The following NBEAL2 variants were observed in gnomAD, a reference collection of about 807,000 sequenced individuals.
NBEAL2 encodes the protein neurobeachin like 2, also known as neurobeachin-like protein 2.
NBEAL2 carries 160 observed loss-of-function variants against 299.8 expected under a neutral mutation model. The observed-to-expected ratio is 0.53, with a 90% CI of 0.47 to 0.61. The LOEUF is 0.61. Among genes scored for constraint, NBEAL2 ranks in the 20% least tolerant of loss-of-function variants. The probability of loss-of-function intolerance (pLI) is 0.00; values close to 1 mark genes in which losing one functional copy is unlikely to be tolerated. For missense variants in NBEAL2, 3,112 were observed against 3,649.0 expected, an observed-to-expected ratio of 0.85 and a Z score of 3.79; for synonymous variants, 1,493 against 1,542.3, an observed-to-expected ratio of 0.97 and a Z score of 0.75.
In NBEAL2 at chr3:46,995,461, C is replaced by T. The variant is rs756000095; in HGVS notation, c.1726C>T (p.Arg576Cys). ...CATGGCCAGGCACCAGGGTCCTGCA[C>T]GTGCTCTGCGCTACTTTGACCTCAC... ...SGMARHQGPA[R>C]ALRYFDLTPS... Residue 576 changes from arginine (R) to cysteine (C), a missense_variant, in exon 13 of 54, where the codon CGT becomes TGT. By Grantham distance (180) the Arg-to-Cys change is radical. Around this residue, in one of 3 missense-constraint regions of NBEAL2, gnomAD observed 2,243 missense variants for 2,538.1 expected, o/e 0.88. Transcript: ENST00000450053. 20 of 1,612,762 alleles carry T rather than the reference C, an allele frequency of 1.2e-5. No homozygotes were observed. Among genetic ancestry groups the T allele is most frequent in the Admixed American group, 5.0e-5 (3 of 60,010 alleles).
Position 46,995,391 on chromosome 3 carries a change from T to C in NBEAL2, c.1656T>C (p.Ala552=), listed in dbSNP as rs1255415538. 14 of 1,612,674 alleles carry C rather than the reference T, an allele frequency of 8.7e-6. No homozygotes were observed. The highest frequency in any genetic ancestry group is 1.1e-5 in the Non-Finnish European group (13 of 1,179,834). Residue 552 remains alanine (A), a synonymous_variant, in exon 13 of 54, where the codon GCT becomes GCC. Coordinates refer to ENST00000450053, the MANE Select transcript of NBEAL2 (RefSeq NM_015175.3). ...ACTCGGAACCAGGCGGAGCTGAGGCTGGAAAGGCCCGACACGCAGGTGCTG... is the reference window on the plus strand; with the variant it reads ...ACTCGGAACCAGGCGGAGCTGAGGCCGGAAAGGCCCGACACGCAGGTGCTG... ...GLDSEPGGAE[A]GKARHAGAVI... is the part of the protein sequence containing the mutation.
Position 47,005,277 on chromosome 3 carries a change from C to T in NBEAL2, c.6516C>T (p.Arg2172=), listed in dbSNP as rs970326287. ...CAGGCGTGATGCACTACCTCATCCG[C>T]GTGGAGCCCTTCACCTCCCTGCACG... The part of the protein sequence containing the change: ...NAAGVMHYLI[R]VEPFTSLHVQ... Residue 2172 remains arginine (R), a synonymous_variant, in exon 40 of 54, where the codon CGC becomes CGT. Transcript: ENST00000450053. The T allele has an allele frequency of 5.0e-6, 8 of 1,613,182 alleles. No individual in the cohort carries two copies. The highest frequency in any genetic ancestry group is 3.3e-5 in the South Asian group (3 of 91,068).
rs1284279216 is a variant in NBEAL2 at position 46,994,998 on chromosome 3, G to C, written c.1297-34G>C. 8 of 1,507,358 alleles carry C rather than the reference G, an allele frequency of 5.3e-6. No individual in the cohort carries two copies. In the African/African-American group the frequency reaches 1.1e-4, roughly 21 times the overall value. 93.4% of individuals were successfully genotyped at this position (1,507,358 alleles called of 1,614,324 possible). A position where few individuals can be genotyped will look rare whatever the true frequency, so the allele number is the denominator to read the frequency against. On this transcript the variant is annotated intron_variant, in intron 12 of 53. Transcript: ENST00000450053. ...GTCCCACTGTTGACAGGGTGCCACA[G>C]CTGACCAGGGACTGTCATTCTCTCC... is the stretch of plus-strand genomic sequence containing the variant.
rs978414993 is a variant in NBEAL2, at chr3:47,005,678, G to C, written c.6691+59G>C. ...GTGTAGGGATGGAGAGCAGATGGTGGAGTGGCCAGGGGGCAGTCGGGATGG... is the reference window on the plus strand; with the variant it reads ...GTGTAGGGATGGAGAGCAGATGGTGCAGTGGCCAGGGGGCAGTCGGGATGG... On this transcript the variant is annotated intron_variant, in intron 41 of 53. Transcript: ENST00000450053. 2.6e-6 allele frequency: 4 copies of C among 1,564,300 alleles called. No homozygotes were observed. In the African/African-American group the frequency reaches 4.7e-5, roughly 18 times the overall value.
intron 20 of NBEAL2, among the ~76,000 whole-genome samples, 156 bp from the exon 21 acceptor site, chr3:46,997,911 G>A (rs937536916): frequency 5.9e-5 from 9 of 152,250 alleles, no homozygotes; most frequent in African/African-American, 1.9e-4. Context: ...GGAGGCTTGC[G>A]TGTCAGAGGC....
chr3:46,981,582 G>C (rs761319759), intron 1 of NBEAL2, among the ~76,000 whole-genome samples: 2 of 152,160 alleles, frequency 1.3e-5, no homozygotes, highest in Non-Finnish European at 2.9e-5. Flanking sequence ...CCTCGCCCCA[G>C]CTTCTCTGCC....
In NBEAL2 at chr3:47,000,098, G is replaced by C; in HGVS notation, c.3999G>C (p.Leu1333=). The part of the protein sequence containing the change: ...ESPAEPSDVF[L]PSEAPCPDPD... The stretch of plus-strand genomic sequence containing the variant: ...CTGCTGAGCCTTCAGATGTCTTCCT[G>C]CCCTCAGAGGCCCCCTGCCCTGACC... Residue 1333 remains leucine (L), a synonymous_variant, in exon 27 of 54, where the codon CTG becomes CTC. Transcript: ENST00000450053. This position sits in a 1 kb window ranked among gnomAD's most constrained non-coding sequence, Gnocchi z 4.5. 1 of 1,613,220 alleles carries C rather than the reference G, an allele frequency of 6.2e-7. No homozygotes were observed. The highest frequency in any genetic ancestry group is 8.5e-7 in the Non-Finnish European group (1 of 1,179,794).
Position 46,996,493 on chromosome 3 carries a change from C to A in NBEAL2, c.2374C>A (p.Arg792=). ...DSTLAGTQDT[R]WGSPTSLEGE... ...TACCCTCGCAGGCACCCAGGACACT[C>A]GGTGGGGCAGCCCCACATCCCTGGA... The change falls in exon 16 of 54, where the codon CGG becomes AGG. Residue 792 remains arginine (R), a synonymous_variant. Transcript: ENST00000450053. 6.3e-7 allele frequency: 1 copy of A among 1,585,818 alleles called. No individual in the cohort carries two copies. Among genetic ancestry groups the A allele is most frequent in the Non-Finnish European group, 8.6e-7 (1 of 1,163,620 alleles).
chr3:47,004,663 G>GT lies in NBEAL2; in HGVS notation c.6294+74dup. On this transcript the variant is annotated intron_variant, in intron 38 of 53. Coordinates refer to ENST00000450053, the MANE Select transcript of NBEAL2 (RefSeq NM_015175.3). This position sits in a 1 kb window ranked among gnomAD's most constrained non-coding sequence, Gnocchi z 5.0. ...CAGCCCTTGGTTCCCCCAAGTGTAG[G>GT]TACCTGCCAGTGGGCCAAGCTCTGA... The GT allele has an allele frequency of 6.9e-7, 1 of 1,449,406 alleles. No homozygotes were observed. The highest frequency in any genetic ancestry group is 1.9e-4 in the Middle Eastern group (1 of 5,392). The allele number at this position is 1,449,406 out of a possible 1,614,324, so 89.8% of individuals were successfully genotyped here. A position where few individuals can be genotyped will look rare whatever the true frequency, so the allele number is the denominator to read the frequency against.
chr3:46,991,917 C>T lies in NBEAL2; in HGVS notation c.1003C>T (p.His335Tyr). The T allele has an allele frequency of 1.2e-6, 2 of 1,602,544 alleles. No individual in the cohort carries two copies. Among genetic ancestry groups the T allele is most frequent in the Non-Finnish European group, 1.7e-6 (2 of 1,174,742 alleles). The change falls in exon 9 of 54, where the codon CAC (histidine) becomes TAC (tyrosine). Residue 335 changes from histidine (H) to tyrosine (Y), a missense_variant. His to Tyr is a moderately conservative substitution (Grantham distance 83). Coordinates refer to ENST00000450053, the MANE Select transcript of NBEAL2 (RefSeq NM_015175.3). This position sits in a 1 kb window ranked among gnomAD's most constrained non-coding sequence, Gnocchi z 6.2. The stretch of plus-strand genomic sequence containing the variant: ...CTTCCTCAGCAACAATTGCTTTGAA[C>T]ACCTCACTCGGCTCATTCAGAACAG... Reference protein sequence around the residue: ...ATFLSNNCFEHLTRLIQNSKL... With the variant: ...ATFLSNNCFEYLTRLIQNSKL...
At position 46,979,909 on chromosome 3, in the gene NBEAL2, G is replaced by T. The variant is rs1249899668; in HGVS notation, c.48G>T (p.Ala16=). 6 of 427,000 alleles carry T rather than the reference G, an allele frequency of 1.4e-5. No individual in the cohort carries two copies. The highest frequency in any genetic ancestry group is 3.9e-5 in the East Asian group (1 of 25,452). The allele number at this position is 427,000 out of a possible 1,614,324, so 26.5% of individuals were successfully genotyped here. ...RLYELWLLYY[A]QKDLGYLQQW... ...ACGAGTTGTGGCTGCTCTACTACGC[G>T]CAGGTGAGCCCGCCCCGCCCCGCGC... The change falls in exon 1 of 54, where the codon GCG becomes GCT. Residue 16 remains alanine (A), a synonymous_variant. Coordinates refer to ENST00000450053, the MANE Select transcript of NBEAL2 (RefSeq NM_015175.3).
intron 22 of NBEAL2, 60 bp downstream of exon 22, chr3:46,998,625 G>A (rs1002647839): frequency 6.4e-7 from 1 of 1,572,552 alleles, no homozygotes; most frequent in African/African-American, 1.3e-5. Flanking sequence ...CCGGCCTTGG[G>A]GACTGGGCGG....
chr3:46,997,540 C>A (rs2036595254), intron 19 of NBEAL2, 21 bp from the exon 20 acceptor site: 2 of 1,586,494 alleles, frequency 1.3e-6, no homozygotes, highest in Admixed American at 1.7e-5. Flanking sequence ...ACACATCTGT[C>A]CCCTTCCTGA....
rs1559618794 is a variant in NBEAL2 at position 47,005,499 on chromosome 3, T to G, written c.6571T>G (p.Ser2191Ala). 2.5e-6 allele frequency: 4 copies of G among 1,611,484 alleles called. No individual in the cohort carries two copies. The highest frequency in any genetic ancestry group is 1.7e-4 in the Middle Eastern group (1 of 6,042). ...GTGCCCCTCCCCCAGCTTTGACTGCTCCGACCGGCAGTTCCACTCGGTGGC... is the reference window on the plus strand; with the variant it reads ...GTGCCCCTCCCCCAGCTTTGACTGCGCCGACCGGCAGTTCCACTCGGTGGC... ...VQLQSGRFDC[S>A]DRQFHSVAAA... is the part of the protein sequence containing the mutation. Residue 2191 changes from serine (S) to alanine (A), a missense_variant, in exon 41 of 54, where the codon TCC becomes GCC. Around this residue, in one of 3 missense-constraint regions of NBEAL2, gnomAD observed 521 missense variants for 729.6 expected, o/e 0.71. Coordinates refer to ENST00000450053, the MANE Select transcript of NBEAL2 (RefSeq NM_015175.3).
intron 33 of NBEAL2, 29 bp downstream of exon 33, chr3:47,002,831 T>C: frequency 9.6e-6 from 7 of 727,448 alleles, no homozygotes; most frequent in Non-Finnish European, 1.4e-5. Flanking sequence ...AGGGTCGCTG[T>C]GGAGGGGTGG....
chr3:46,991,557 G>T lies in NBEAL2; in HGVS notation c.794G>T (p.Arg265Leu), dbSNP rs753275005. 6 of 1,605,520 alleles carry T rather than the reference G, an allele frequency of 3.7e-6. No individual in the cohort carries two copies. In the East Asian group the frequency reaches 6.7e-5, roughly 18 times the overall value. The change falls in exon 8 of 54, where the codon CGC (arginine) becomes CTC (leucine). Residue 265 changes from arginine to leucine, a missense_variant. This residue lies in a region of NBEAL2 where 2,243 missense variants were observed against 2,538.1 expected (regional missense o/e 0.88). Transcript: ENST00000450053. This position sits in a 1 kb window ranked among gnomAD's most constrained non-coding sequence, Gnocchi z 6.2. ...VGAVHVLHAS[R>L]APPRGPELRA... is the part of the protein sequence containing the mutation. The stretch of plus-strand genomic sequence containing the variant: ...GCAGTCCATGTCTTGCATGCCAGCC[G>T]CGCACCTCCTCGTGGCCCAGAGCTT...
chr3:47,000,297 G>C lies in NBEAL2; in HGVS notation c.4198G>C (p.Ala1400Pro). The C allele has an allele frequency of 6.2e-7, 1 of 1,612,324 alleles. No homozygotes were observed. The highest frequency in any genetic ancestry group is 1.1e-5 in the South Asian group (1 of 91,074). ...ACTGGATGGGCCGCGGCCCTTTCCT[G>C]CTGCTCCTGGCCGCCACAGCTCCAG... ...SPLDGPRPFP[A>P]APGRHSSSLS... The change falls in exon 27 of 54, where the codon GCT becomes CCT. Residue 1400 changes from alanine to proline, a missense_variant. Coordinates refer to ENST00000450053, the MANE Select transcript of NBEAL2 (RefSeq NM_015175.3). The surrounding 1 kb of genome is among the most constrained non-coding windows in gnomAD (Gnocchi z 4.5).
rs1275115692 is a variant in NBEAL2, at chr3:47,002,205, C to A, written c.5068C>A (p.Pro1690Thr). ...GLQWGLPSLP[P>T]TNGSPTFFED... is the part of the protein sequence containing the mutation. ...GCAGTGGGGACTGCCCTCCCTGCCA[C>A]CCACCAATGGCAGCCCCACCTTCTT... is the stretch of plus-strand genomic sequence containing the variant. The change falls in exon 31 of 54, where the codon CCC (proline) becomes ACC (threonine). Residue 1690 changes from proline to threonine, a missense_variant. Pro to Thr is a conservative substitution (Grantham distance 38, BLOSUM62 -1). Around this residue, in one of 3 missense-constraint regions of NBEAL2, gnomAD observed 2,243 missense variants for 2,538.1 expected, o/e 0.88. Coordinates refer to ENST00000450053, the MANE Select transcript of NBEAL2 (RefSeq NM_015175.3). The A allele has an allele frequency of 6.5e-7, 1 of 1,531,932 alleles. No homozygotes were observed. Among genetic ancestry groups the A allele is most frequent in the Non-Finnish European group, 8.8e-7 (1 of 1,136,230 alleles). 94.9% of individuals were successfully genotyped at this position (1,531,932 alleles called of 1,614,324 possible).
intron 19 of NBEAL2, 23 bp from the exon 20 acceptor site, chr3:46,997,538 G>A (rs2036595070): frequency 6.3e-7 from 1 of 1,586,596 alleles, no homozygotes; most frequent in East Asian, 2.3e-5. Context: ...ACACACATCT[G>A]TCCCCTTCCT....
Sources: allele counts gnomAD v4.1 joint callset (sites outside exome capture counted in the v4.1 genomes callset), GRCh38; gene constraint gnomAD v4.1.1; regional missense constraint gnomAD v4.1.1; non-coding constraint Gnocchi (gnomAD v3.1); transcripts MANE v1.5; gene names NCBI Gene and HGNC (gene_info 2026-07-23, HGNC 2026-07-21).